EIF4G3: variants seen among roughly 807,000 people sequenced by gnomAD.
The protein encoded by EIF4G3 is eIF-4-gamma 3.
EIF4G3 carries 34 observed loss-of-function variants against 186.4 expected under a neutral mutation model. The ratio of observed to expected loss-of-function variants is 0.18; its 90% CI spans 0.14 to 0.24. EIF4G3 has a LOEUF of 0.24. Among genes scored for constraint, EIF4G3 ranks in the 10% least tolerant of loss-of-function variants. The probability of loss-of-function intolerance (pLI) is 1.00; values close to 1 mark genes in which losing one functional copy is unlikely to be tolerated. For missense variants in EIF4G3, 1,536 were observed against 1,948.5 expected (o/e 0.79, Z 3.99); for synonymous variants, 673 against 679.5 (o/e 0.99, Z 0.15).
At chr1:20,929,981 C>T (rs1463300700) in intron 14 of EIF4G3, among the ~76,000 whole-genome samples, 4 of 152,050 alleles carry the variant, frequency 2.6e-5, no homozygotes, top group South Asian at 2.1e-4. Context: ...TGCAATAAAG[C>T]GAGTCACAAA....
chr1:20,892,874 T>C (rs1327248749), intron 18 of EIF4G3: 1 of 612,088 alleles, frequency 1.6e-6, no homozygotes, highest in Non-Finnish European at 2.8e-6. Context: ...GGGTCTTGCT[T>C]TGTCGCCCAG....
chr1:21,019,003 G>C (rs958242996), intron 4 of EIF4G3, among the ~76,000 whole-genome samples: 4 of 150,864 alleles, frequency 2.7e-5, no homozygotes, highest in Admixed American at 2.6e-4. Context: ...GGTAAATTTT[G>C]TGTATTTTAC....
chr1:20,823,402 G>T (rs2062865738), intron 33 of EIF4G3, among the ~76,000 whole-genome samples: 1 of 151,484 alleles, frequency 6.6e-6, no homozygotes, highest in Non-Finnish European at 1.5e-5. Flanking sequence ...TTTTATTTTT[G>T]ATAGGCTCTC....
intron 11 of EIF4G3, among the ~76,000 whole-genome samples, chr1:20,971,538 A>C (rs1187836589): frequency 6.6e-6 from 1 of 152,242 alleles, no homozygotes; most frequent in Non-Finnish European, 1.5e-5. Flanking sequence ...CTGTAGTGTC[A>C]TGATACATTG....
chr1:21,061,824 T>C (rs1318879862), intron 3 of EIF4G3, among the ~76,000 whole-genome samples: 2 of 150,428 alleles, frequency 1.3e-5, no homozygotes, highest in Non-Finnish European at 3.0e-5. Flanking sequence ...CTCGGCTCAC[T>C]GTAACCTTCA....
chr1:20,943,240 C>T lies in EIF4G3; in HGVS notation c.824-910G>A, dbSNP rs577060685. 8.6e-5 allele frequency among the ~76,000 whole-genome samples: 13 copies of T among 151,958 alleles called. No individual in the cohort carries two copies. The East Asian group carries it at 1.4e-3, about 16-fold the overall frequency. ...TTAAGGAGAAAACAAAGTTAATACA[C>T]GAATAAATCCAATGAAAAAGAAAAC... On this transcript the variant is annotated intron_variant, in intron 13 of 36. Transcript: ENST00000602326.
At chr1:21,170,650 G>A (rs989466132) in intron 2 of EIF4G3, among the ~76,000 whole-genome samples, 4 of 151,938 alleles carry the variant, frequency 2.6e-5, no homozygotes, top group Admixed American at 1.3e-4. Context: ...CAGCCTGGGC[G>A]ACAGAGACTC....
At chr1:20,968,653 A>T (rs1397303812) in intron 12 of EIF4G3, among the ~76,000 whole-genome samples, 2 of 152,232 alleles carry the variant, frequency 1.3e-5, no homozygotes, top group African/African-American at 2.4e-5. Flanking sequence ...ACAATTTATT[A>T]ATAAGTTCCA....
Position 20,867,534 on chromosome 1 carries a change from T to C in EIF4G3, c.2623-2272A>G, listed in dbSNP as rs2077844910. Among the ~76,000 whole-genome samples the C allele has an allele frequency of 2.0e-5, 3 of 152,212 alleles. No individual in the cohort carries two copies. The South Asian group carries it at 6.2e-4, about 31-fold the overall frequency. On this transcript the variant is annotated intron_variant, in intron 20 of 36. Coordinates refer to ENST00000602326, the MANE Select transcript of EIF4G3 (RefSeq NM_001391906.1). ...ATTTCAAAAATGGGGTGAGGTATTA[T>C]ACCTATCTCTTAGGAGGTGTTATTG...
rs114338160 is a variant in EIF4G3 at position 21,168,725 on chromosome 1, C to T, written c.-272+7450G>A. ...ACAGGCATGAACCACCACACCTGGCCAAAAAAAGTACTTTTCATGGCAGAT... is the reference window on the plus strand; with the variant it reads ...ACAGGCATGAACCACCACACCTGGCTAAAAAAAGTACTTTTCATGGCAGAT... On this transcript the variant is annotated intron_variant, in intron 2 of 36. Coordinates refer to ENST00000602326, the MANE Select transcript of EIF4G3 (RefSeq NM_001391906.1). 3.7e-3 allele frequency among the ~76,000 whole-genome samples: 564 copies of T among 151,166 alleles called. 4 individuals are homozygous for T. Among genetic ancestry groups the T allele is most frequent in the African/African-American group, 0.013 (523 of 41,206 alleles).
intron 30 of EIF4G3, among the ~76,000 whole-genome samples, chr1:20,831,192 C>G (rs1427353082): frequency 2.0e-5 from 3 of 151,728 alleles, no homozygotes; most frequent in African/African-American, 7.3e-5. Context: ...ATTTCAACTA[C>G]AAAAGCTCCA....
intron 3 of EIF4G3, among the ~76,000 whole-genome samples, chr1:21,076,906 A>AT (rs1213161406): frequency 1.3e-5 from 2 of 152,216 alleles, no homozygotes; most frequent in Admixed American, 6.5e-5. Flanking sequence ...TTTGGGTAAA[A>AT]TCTAAAAAGA....
At chr1:20,965,719 G>A (rs558099586) in intron 12 of EIF4G3, among the ~76,000 whole-genome samples, 12 of 69,660 alleles carry the variant, frequency 1.7e-4, no homozygotes, top group South Asian at 3.7e-4. Context: ...GCCTTCCCAC[G>A]TTCTTCCAGT....
chr1:20,831,604 AC>A (rs1320180587), intron 30 of EIF4G3, among the ~76,000 whole-genome samples: 1 of 107,004 alleles, frequency 9.3e-6, no homozygotes, highest in African/African-American at 3.4e-5. Flanking sequence ...CAATCATCTT[AC>A]TTTTTCTTTT....
rs907579299 is a variant in EIF4G3 at position 21,034,392 on chromosome 1, A to G, written c.-67+16474T>C. ...TTTTATTCTACATTACGACCATCCA[A>G]TTATTCTTACTCTGTTACTTCAAAA... On this transcript the variant is annotated intron_variant, in intron 4 of 36. Transcript: ENST00000602326. Among the ~76,000 whole-genome samples, 9 of 152,310 alleles carry G rather than the reference A, an allele frequency of 5.9e-5. No homozygotes were observed. In the East Asian group the frequency reaches 1.7e-3, roughly 29 times the overall value.
At chr1:21,162,807 G>A (rs1447679879) in intron 2 of EIF4G3, among the ~76,000 whole-genome samples, 1 of 152,158 alleles carries the variant, frequency 6.6e-6, no homozygotes, top group Non-Finnish European at 1.5e-5. Context: ...ATGGTTACCA[G>A]GTGGGGGTAT....
At chr1:20,863,887 T>C (rs1325107933) in intron 22 of EIF4G3, among the ~76,000 whole-genome samples, 1 of 152,210 alleles carries the variant, frequency 6.6e-6, no homozygotes. Flanking sequence ...AGGACTTACC[T>C]CAGAGCTTTG....
rs1162881476 is a variant in EIF4G3, at chr1:20,828,293, G to A, written c.4188-595C>T. On this transcript the variant is annotated intron_variant, in intron 31 of 36. Coordinates refer to ENST00000602326, the MANE Select transcript of EIF4G3 (RefSeq NM_001391906.1). ...GATCCGCCTGCCTCGGCCTCCCAAAGTGCTGGGATTACAGGTGTAAGCTAT... is the reference window on the plus strand; with the variant it reads ...GATCCGCCTGCCTCGGCCTCCCAAAATGCTGGGATTACAGGTGTAAGCTAT... Among the ~76,000 whole-genome samples the A allele has an allele frequency of 7.2e-5, 11 of 152,194 alleles. No homozygotes were observed. In the East Asian group the frequency reaches 2.1e-3, roughly 29 times the overall value.
At chr1:20,936,861 T>C (rs2095533003) in intron 14 of EIF4G3, among the ~76,000 whole-genome samples, 1 of 152,192 alleles carries the variant, frequency 6.6e-6, no homozygotes, top group Admixed American at 6.5e-5. Flanking sequence ...TTTGTTAACA[T>C]TACCAAAACA....
Sources: allele counts gnomAD v4.1 joint callset (sites outside exome capture counted in the v4.1 genomes callset), GRCh38; gene constraint gnomAD v4.1.1; transcripts MANE v1.5; gene names NCBI Gene and HGNC (gene_info 2026-07-23, HGNC 2026-07-21).